RLF: variants seen among roughly 807,000 people sequenced by gnomAD.
RLF encodes zinc finger protein Rlf.
Under a neutral mutation model 162.9 loss-of-function variants are expected in RLF, and 7 were observed. The ratio of observed to expected loss-of-function variants is 0.04; its 90% CI spans 0.02 to 0.08. The LOEUF (loss-of-function observed/expected upper bound fraction) is 0.08, where lower values mean the gene tolerates loss of function less well. Among genes scored for constraint, RLF ranks in the 10% least tolerant of loss-of-function variants. The pLI is 1.00. For missense variants in RLF, 1,664 were observed against 2,244.7 expected (o/e 0.74, Z 5.23); for synonymous variants, 782 against 791.5 (o/e 0.99, Z 0.20).
At chr1:40,206,886 T>C (rs771878404) in intron 5 of RLF, among the ~76,000 whole-genome samples, 8 of 152,204 alleles carry the variant, frequency 5.3e-5, no homozygotes, top group Non-Finnish European at 1.2e-4. Context: ...TTCTCATGTC[T>C]GTTCAATATT....
chr1:40,225,984 G>A lies in RLF; in HGVS notation c.947+3274G>A, dbSNP rs183735830. Among the ~76,000 whole-genome samples, 58 of 151,682 alleles carry A rather than the reference G, an allele frequency of 3.8e-4. No homozygotes were observed. In the Middle Eastern group the frequency reaches 0.014, roughly 36 times the overall value. ...GGAGAATCGCTTGAGCCTGGGAGTG[G>A]AGGTTGTGATGAGCCAAGATCACAC... On this transcript the variant is annotated intron_variant, in intron 6 of 7. Transcript: ENST00000372771.
At position 40,190,870 on chromosome 1, in the gene RLF, T is replaced by G. The variant is rs1230259358; in HGVS notation, c.474+17T>G. 6.4e-7 allele frequency: 1 copy of G among 1,567,582 alleles called. No homozygotes were observed. The highest frequency in any genetic ancestry group is 1.8e-5 in the Admixed American group (1 of 56,896). On this transcript the variant is annotated intron_variant, in intron 3 of 7. Transcript: ENST00000372771. ...TCTCTACAGGTGAGTTGATTTTAAC[T>G]CAGAAAAGTTTTCTGTATCCAAGAC...
chr1:40,235,581 A>G (rs1188714974), intron 7 of RLF, among the ~76,000 whole-genome samples: 3 of 152,198 alleles, frequency 2.0e-5, no homozygotes, highest in Admixed American at 1.3e-4. Context: ...CACAGTGCCT[A>G]GTAAATGTAC....
intron 7 of RLF, among the ~76,000 whole-genome samples, chr1:40,233,886 G>T (rs1017778606): frequency 6.6e-6 from 1 of 152,230 alleles, no homozygotes; most frequent in African/African-American, 2.4e-5. Context: ...AGTTTGCAAG[G>T]GATTCTACAC....
At chr1:40,203,236 T>A (rs970939638) in intron 5 of RLF, among the ~76,000 whole-genome samples, 2 of 149,488 alleles carry the variant, frequency 1.3e-5, no homozygotes, top group African/African-American at 4.9e-5. Flanking sequence ...TGCCTCAGCC[T>A]CCCAAGTAGC....
intron 5 of RLF, among the ~76,000 whole-genome samples, chr1:40,216,210 G>A (rs201123606): frequency 1.4e-4 from 21 of 152,238 alleles, no homozygotes; most frequent in East Asian, 1.4e-3. Flanking sequence ...GGCCAGGTGC[G>A]GAGGCTCAAC....
intron 7 of RLF, among the ~76,000 whole-genome samples, chr1:40,232,458 G>A (rs1643164794): frequency 6.6e-6 from 1 of 152,066 alleles, no homozygotes; most frequent in South Asian, 2.1e-4. Flanking sequence ...TTATCATATT[G>A]GCTAAAATGT....
chr1:40,212,532 G>T (rs1381287525), intron 5 of RLF, among the ~76,000 whole-genome samples: 1 of 152,164 alleles, frequency 6.6e-6, no homozygotes, highest in African/African-American at 2.4e-5. Context: ...TCTTTGCAAA[G>T]ATCAGGTTTT....
intron 5 of RLF, 123 bp downstream of exon 5, chr1:40,202,737 A>C (rs1298889575): frequency 3.5e-6 from 2 of 579,310 alleles, no homozygotes; most frequent in Non-Finnish European, 5.8e-6. Context: ...GGCTACCAAA[A>C]TGTATGATTT....
intron 1 of RLF, among the ~76,000 whole-genome samples, chr1:40,171,273 C>T (rs1642240902): frequency 2.0e-5 from 3 of 152,164 alleles, no homozygotes; most frequent in Non-Finnish European, 1.5e-5. Flanking sequence ...AAGTGATCCT[C>T]CCACCTCAGC....
At chr1:40,210,572 CA>C (rs1189198139) in intron 5 of RLF, among the ~76,000 whole-genome samples, 1 of 152,148 alleles carries the variant, frequency 6.6e-6, no homozygotes, top group Non-Finnish European at 1.5e-5. Flanking sequence ...AGATTTGATG[CA>C]GTAGAAATTA....
intron 1 of RLF, among the ~76,000 whole-genome samples, chr1:40,169,338 CG>C (rs1201111739): frequency 3.3e-5 from 5 of 151,900 alleles, no homozygotes; most frequent in Non-Finnish European, 7.4e-5. Flanking sequence ...GCTTCTCGGC[CG>C]GGCGCGGTGG....
intron 6 of RLF, among the ~76,000 whole-genome samples, chr1:40,224,842 C>T (rs1057053513): frequency 3.3e-5 from 5 of 151,154 alleles, no homozygotes; most frequent in Admixed American, 6.6e-5. Flanking sequence ...CAAAAATTAG[C>T]CGGGCATTTT....
chr1:40,225,732 C>T lies in RLF; in HGVS notation c.947+3022C>T, dbSNP rs375379740. 5.3e-5 allele frequency among the ~76,000 whole-genome samples: 8 copies of T among 151,680 alleles called. No individual in the cohort carries two copies. The East Asian group carries it at 7.8e-4, about 15-fold the overall frequency. On this transcript the variant is annotated intron_variant, in intron 6 of 7. Transcript: ENST00000372771. ...TCTACTAAAAATACGGAAAATTAGCCGACCTGGTGGCGGGCGTGCCTGTAG... is the reference window on the plus strand; with the variant it reads ...TCTACTAAAAATACGGAAAATTAGCTGACCTGGTGGCGGGCGTGCCTGTAG...
At chr1:40,222,401 G>C (rs924238436) in intron 5 of RLF, among the ~76,000 whole-genome samples, 173 bp from the exon 6 acceptor site, 1 of 152,130 alleles carries the variant, frequency 6.6e-6, no homozygotes, top group Non-Finnish European at 1.5e-5. Context: ...TATAGTGTCT[G>C]TTCCCTTCTT....
intron 3 of RLF, 90 bp downstream of exon 3, chr1:40,190,943 A>G: frequency 1.4e-6 from 1 of 693,758 alleles, no homozygotes; most frequent in Non-Finnish European, 2.4e-6. Flanking sequence ...CTTAGAACAA[A>G]AACAAGTTTA....
chr1:40,230,996 T>C (rs1483055204), intron 6 of RLF, among the ~76,000 whole-genome samples: 2 of 152,234 alleles, frequency 1.3e-5, no homozygotes, highest in South Asian at 2.1e-4. Flanking sequence ...ATTTTACTTA[T>C]TTCACTGGAA....
intron 1 of RLF, among the ~76,000 whole-genome samples, chr1:40,169,454 A>C (rs1187692725): frequency 6.6e-6 from 1 of 150,752 alleles, no homozygotes; most frequent in East Asian, 2.0e-4. Flanking sequence ...GTCTCTACTA[A>C]AAATACAAAA....
chr1:40,234,183 C>G (rs1643188602), intron 7 of RLF, among the ~76,000 whole-genome samples: 1 of 152,168 alleles, frequency 6.6e-6, no homozygotes, highest in Admixed American at 6.5e-5. Context: ...CTCCATGCCT[C>G]AAGTGATGTG....
Sources: allele counts gnomAD v4.1 joint callset (sites outside exome capture counted in the v4.1 genomes callset), GRCh38; gene constraint gnomAD v4.1.1; transcripts MANE v1.5; gene names NCBI Gene and HGNC (gene_info 2026-07-23, HGNC 2026-07-21).